GUCY1A2: variants seen among roughly 807,000 people sequenced by gnomAD.
GUCY1A2 encodes guanylate cyclase 1 soluble subunit alpha 2.
A neutral mutation model predicts 63.5 loss-of-function variants in GUCY1A2; 27 were observed. The ratio of observed to expected loss-of-function variants is 0.43; its 90% confidence interval spans 0.31 to 0.59. GUCY1A2 has a LOEUF of 0.59. Among genes scored for constraint, GUCY1A2 ranks in the 20% least tolerant of loss-of-function variants. The probability of loss-of-function intolerance (pLI) is 0.11; values close to 1 mark genes in which losing one functional copy is unlikely to be tolerated. For synonymous variants in GUCY1A2, 364 were observed against 343.5 expected, an observed-to-expected ratio of 1.06 and a Z score of -0.66; for missense variants, 768 against 913.3, an observed-to-expected ratio of 0.84 and a Z score of 2.05.
intron 6 of GUCY1A2, among the ~76,000 whole-genome samples, chr11:106,763,588 G>C (rs1864106955): frequency 6.6e-6 from 1 of 152,050 alleles, no homozygotes; most frequent in Non-Finnish European, 1.5e-5. Context: ...AAGTTGAATG[G>C]AATCCTAGAA....
chr11:106,772,756 A>G (rs896283260), intron 6 of GUCY1A2, among the ~76,000 whole-genome samples: 10 of 152,170 alleles, frequency 6.6e-5, no homozygotes, highest in Admixed American at 6.5e-5. Flanking sequence ...ACTCTCCATA[A>G]AAGAAAATCC....
chr11:106,697,960 G>T (rs938754447), intron 7 of GUCY1A2, among the ~76,000 whole-genome samples: 8 of 151,946 alleles, frequency 5.3e-5, no homozygotes, highest in Admixed American at 3.3e-4. Context: ...ACCTCTAGGT[G>T]TTCCCTACTC....
At chr11:106,826,460 T>A (rs1443711348) in intron 4 of GUCY1A2, 2 of 1,585,356 alleles carry the variant, frequency 1.3e-6, no homozygotes, top group East Asian at 4.5e-5. Context: ...GAAAGATTCA[T>A]TTGGTTTAAG....
chr11:106,938,101 C>A (rs1325100589), intron 4 of GUCY1A2, among the ~76,000 whole-genome samples: 2 of 152,120 alleles, frequency 1.3e-5, no homozygotes, highest in South Asian at 2.1e-4. Flanking sequence ...CCATGCCCAG[C>A]TCGTTTTTTT....
chr11:106,826,784 G>A (rs1160605144), intron 4 of GUCY1A2: 3 of 1,610,518 alleles, frequency 1.9e-6, no homozygotes, highest in East Asian at 2.2e-5. Context: ...CTCATCTGCT[G>A]CCAGACTGGG....
chr11:106,987,509 G>A (rs748257306), intron 1 of GUCY1A2, among the ~76,000 whole-genome samples: 16 of 152,034 alleles, frequency 1.1e-4, no homozygotes, highest in Non-Finnish European at 1.6e-4. Context: ...AAAATTAGGC[G>A]AGCATGGTGG....
At chr11:106,783,724 CA>C (rs1291725207) in intron 5 of GUCY1A2, among the ~76,000 whole-genome samples, 1 of 151,956 alleles carries the variant, frequency 6.6e-6, no homozygotes, top group South Asian at 2.1e-4. Flanking sequence ...GAGGTTTGTT[CA>C]AAAAAAGATT....
At chr11:106,709,501 AAT>A (rs1400137056) in intron 6 of GUCY1A2, among the ~76,000 whole-genome samples, 1 of 51,666 alleles carries the variant, frequency 1.9e-5, no homozygotes, top group East Asian at 3.1e-4. Context: ...TATATATAAT[AAT>A]ATATATTATT....
chr11:106,919,746 A>T (rs143997316), intron 4 of GUCY1A2, among the ~76,000 whole-genome samples: 3 of 152,142 alleles, frequency 2.0e-5, no homozygotes, highest in Non-Finnish European at 4.4e-5. Flanking sequence ...AAAGGTTTAC[A>T]TATCTGAGGA....
At chr11:106,708,465 C>A in intron 7 of GUCY1A2, 47 bp downstream of exon 7, 2 of 1,527,056 alleles carry the variant, frequency 1.3e-6, no homozygotes, top group Admixed American at 1.7e-5. Context: ...GCATAGCAGC[C>A]CAAAACAAAG....
intron 1 of GUCY1A2, among the ~76,000 whole-genome samples, chr11:107,004,841 CA>C (rs1432331632): frequency 6.6e-6 from 1 of 152,142 alleles, no homozygotes; most frequent in Non-Finnish European, 1.5e-5. Context: ...ACATTTCTGA[CA>C]TGAGGAACCG....
At chr11:106,872,715 G>A (rs538709427) in intron 4 of GUCY1A2, among the ~76,000 whole-genome samples, 1 of 152,296 alleles carries the variant, frequency 6.6e-6, no homozygotes, top group East Asian at 1.9e-4. Context: ...CTGTCTGGAT[G>A]ACCAATTTAA....
At chr11:106,699,714 C>T (rs755615242) in intron 7 of GUCY1A2, among the ~76,000 whole-genome samples, 37 of 152,072 alleles carry the variant, frequency 2.4e-4, no homozygotes, top group Non-Finnish European at 4.3e-4. Flanking sequence ...AATCTTATGC[C>T]TAATCATATA....
At chr11:106,952,308 A>C (rs1327772635) in intron 3 of GUCY1A2, among the ~76,000 whole-genome samples, 1 of 152,182 alleles carries the variant, frequency 6.6e-6, no homozygotes, top group African/African-American at 2.4e-5. Flanking sequence ...AATAGCATTG[A>C]ATCTGTAAAT....
At chr11:106,819,368 T>C (rs1184621771) in intron 4 of GUCY1A2, among the ~76,000 whole-genome samples, 1 of 152,132 alleles carries the variant, frequency 6.6e-6, no homozygotes, top group Non-Finnish European at 1.5e-5. Context: ...TCAAACAGCA[T>C]TGCAAGCTAT....
At chr11:106,878,797 AAAAG>A (rs1222067505) in intron 4 of GUCY1A2, among the ~76,000 whole-genome samples, 69 of 151,618 alleles carry the variant, frequency 4.6e-4, no homozygotes, top group African/African-American at 1.5e-3. Context: ...AAAAAAAAAA[AAAAG>A]AAGAAGTTGG....
intron 4 of GUCY1A2, among the ~76,000 whole-genome samples, chr11:106,883,784 C>T (rs995065795): frequency 1.3e-5 from 2 of 152,032 alleles, no homozygotes; most frequent in Non-Finnish European, 2.9e-5. Flanking sequence ...CAATGTACGT[C>T]ACCAGCCCAA....
intron 6 of GUCY1A2, among the ~76,000 whole-genome samples, chr11:106,759,288 C>A (rs1481780647): frequency 6.6e-6 from 1 of 151,970 alleles, no homozygotes; most frequent in Non-Finnish European, 1.5e-5. Context: ...ATTTTATTAC[C>A]ATGATTATGT....
At chr11:106,882,053 CT>C (rs1178554528) in intron 4 of GUCY1A2, among the ~76,000 whole-genome samples, 1 of 151,828 alleles carries the variant, frequency 6.6e-6, no homozygotes, top group Non-Finnish European at 1.5e-5. Flanking sequence ...CGCTCTCATT[CT>C]CTTTCTTTTC....
Sources: allele counts gnomAD v4.1 joint callset (sites outside exome capture counted in the v4.1 genomes callset), GRCh38; gene constraint gnomAD v4.1.1; transcripts MANE v1.5; gene names NCBI Gene and HGNC (gene_info 2026-07-23, HGNC 2026-07-21).